Variants in AFMID observed in about 807,000 individuals in gnomAD.
AFMID encodes the protein kynurenine formamidase.
A neutral mutation model predicts 47.5 loss-of-function variants in AFMID; 39 were observed. The observed-to-expected ratio is 0.82, with a 90% CI of 0.64 to 1.07. The LOEUF (loss-of-function observed/expected upper bound fraction) is 1.07. Among genes scored for constraint, AFMID ranks in the 50% least tolerant of loss-of-function variants. AFMID has a pLI of 0.00. For synonymous variants in AFMID, 130 were observed against 153.2 expected, an observed-to-expected ratio of 0.85 and a Z score of 1.12; for missense variants, 375 against 387.5, an observed-to-expected ratio of 0.97 and a Z score of 0.27.
intron 2 of AFMID, among the ~76,000 whole-genome samples, chr17:78,196,635 C>T (rs369503943): frequency 3.3e-5 from 5 of 152,096 alleles, no homozygotes; most frequent in South Asian, 2.1e-4. Context: ...GTCGAGACCA[C>T]GCCATTGCAC....
intron 2 of AFMID, among the ~76,000 whole-genome samples, chr17:78,194,698 C>CT (rs554974643): frequency 4.6e-4 from 68 of 146,796 alleles, no homozygotes; most frequent in African/African-American, 8.2e-4. Flanking sequence ...AGTAAAAATA[C>CT]TTTTTTTTTT....
At chr17:78,190,074 G>A (rs561985883) in intron 1 of AFMID, among the ~76,000 whole-genome samples, 26 of 145,372 alleles carry the variant, frequency 1.8e-4, no homozygotes, top group South Asian at 8.8e-4. Flanking sequence ...TCGTGATCCC[G>A]CCTCCGCCTC....
At position 78,207,048 on chromosome 17, in the gene AFMID, G is replaced by T; in HGVS notation, c.*111G>T. ...TCAGTTTCCCCCAGCACCCAGGAGA[G>T]CCTTGCTGTGTCTGTCTGCCCGGCA... On this transcript the variant is annotated 3_prime_UTR_variant, in exon 11 of 11. Transcript: ENST00000409257. 2 of 1,181,160 alleles carry T rather than the reference G, an allele frequency of 1.7e-6. No individual in the cohort carries two copies. The highest frequency in any genetic ancestry group is 2.5e-6 in the Non-Finnish European group (2 of 790,980). The allele number at this position is 1,181,160 out of a possible 1,614,324, so 73.2% of individuals were successfully genotyped here.
intron 1 of AFMID, among the ~76,000 whole-genome samples, chr17:78,187,648 T>C (rs2075831211): frequency 6.6e-6 from 1 of 151,964 alleles, no homozygotes; most frequent in Non-Finnish European, 1.5e-5. Context: ...ATAAAGAAAA[T>C]TGAAGTCCTG....
chr17:78,201,888 G>A (rs538069720), intron 2 of AFMID, among the ~76,000 whole-genome samples: 27 of 151,670 alleles, frequency 1.8e-4, no homozygotes, highest in South Asian at 2.1e-4. Flanking sequence ...CTGCCACCAC[G>A]CCTGGCTAAT....
chr17:78,201,686 G>A (rs55752598), intron 2 of AFMID, among the ~76,000 whole-genome samples: 20,335 of 152,072 alleles, frequency 0.13, 1,461 homozygotes, highest in South Asian at 0.24. Flanking sequence ...GTGCTGAAAA[G>A]GGTCCTCGCA....
intron 2 of AFMID, among the ~76,000 whole-genome samples, chr17:78,193,794 G>A (rs1012387805): frequency 5.3e-5 from 8 of 151,880 alleles, no homozygotes; most frequent in African/African-American, 9.7e-5. Flanking sequence ...TGGCTAACAC[G>A]GTGAAACCCT....
Position 78,198,531 on chromosome 17 carries a change from C to A in AFMID, c.155-3968C>A, listed in dbSNP as rs551863376. On this transcript the variant is annotated intron_variant, in intron 2 of 10. Coordinates refer to ENST00000409257, the MANE Select transcript of AFMID (RefSeq NM_001010982.5). ...GCTGCGGCAGGAGAATCGCTTGAAC[C>A]CAGGAAGCAGAGGTTGCAGATCACT... Among the ~76,000 whole-genome samples, 13 of 151,968 alleles carry A rather than the reference C, an allele frequency of 8.6e-5. 1 individual carries two copies. The highest frequency in any genetic ancestry group is 1.8e-4 in the Non-Finnish European group (12 of 67,966).
rs562602838 is a variant in AFMID, at chr17:78,192,135, A to G, written c.154+1075A>G. 1.2e-4 allele frequency among the ~76,000 whole-genome samples: 18 copies of G among 150,808 alleles called. No homozygotes were observed. The East Asian group carries it at 3.5e-3, about 29-fold the overall frequency. On this transcript the variant is annotated intron_variant, in intron 2 of 10. Transcript: ENST00000409257. ...TGCCTCAGCTTCCTGAGTAGCTGGG[A>G]TTACAGGCATGCGCCACCACGCCCT... is the stretch of plus-strand genomic sequence containing the variant.
intron 1 of AFMID, among the ~76,000 whole-genome samples, chr17:78,189,863 A>C (rs2075915793): frequency 2.8e-5 from 3 of 106,428 alleles, no homozygotes; most frequent in Admixed American, 1.2e-4. Context: ...ATGGGGTCTC[A>C]CTCTGTCGCC....
At chr17:78,204,030 A>G (rs1044345838) in intron 4 of AFMID, 1 of 152,588 alleles carries the variant, frequency 6.6e-6, no homozygotes, top group Non-Finnish European at 1.5e-5. Flanking sequence ...TCTCAAAAAA[A>G]AAAAAAAAAA....
At position 78,205,984 on chromosome 17, in the gene AFMID, G is replaced by A; in HGVS notation, c.819G>A (p.Glu273=). The A allele has an allele frequency of 6.2e-7, 1 of 1,614,022 alleles. No homozygotes were observed. Among genetic ancestry groups the A allele is most frequent in the Non-Finnish European group, 8.5e-7 (1 of 1,180,014 alleles). ...GAGAGTGGAAAGCCTCATTTGAAGAGCTCCACGATGTGGACCACTTTGAAA... is the reference window on the plus strand; with the variant it reads ...GAGAGTGGAAAGCCTCATTTGAAGAACTCCACGATGTGGACCACTTTGAAA... ...CQGEWKASFE[E]LHDVDHFEIV... Residue 273 remains glutamate, a synonymous_variant, in exon 10 of 11, where the codon GAG becomes GAA. Coordinates refer to ENST00000409257, the MANE Select transcript of AFMID (RefSeq NM_001010982.5).
chr17:78,192,598 G>A, intron 2 of AFMID: 1 of 470,594 alleles, frequency 2.1e-6, no homozygotes. Flanking sequence ...ACAGGTATGA[G>A]CCACCGTGCC....
intron 1 of AFMID, 100 bp downstream of exon 1, chr17:78,187,533 T>C (rs2145835653): frequency 1.4e-6 from 2 of 1,388,302 alleles, no homozygotes; most frequent in Non-Finnish European, 1.0e-6. Flanking sequence ...TCTAGAGCAC[T>C]CCTGTGGGCA....
intron 2 of AFMID, among the ~76,000 whole-genome samples, chr17:78,198,811 A>AAAAACAAAAC (rs377427188): frequency 1.3e-5 from 2 of 151,958 alleles, no homozygotes; most frequent in African/African-American, 4.8e-5. Context: ...TCTGTCTCAA[A>AAAAACAAAAC]AAAACAAAAC....
intron 4 of AFMID, 58 bp downstream of exon 4, chr17:78,202,809 C>T: frequency 2.6e-6 from 4 of 1,536,730 alleles, no homozygotes; most frequent in Non-Finnish European, 3.5e-6. Context: ...CCCTGGGGGA[C>T]TCCTCCTCCA....
chr17:78,190,641 C>G (rs2075940613), intron 1 of AFMID: 2 of 224,248 alleles, frequency 8.9e-6, no homozygotes, highest in Non-Finnish European at 1.8e-5. Flanking sequence ...ATCCACCTGC[C>G]TCAGGCTCCC....
chr17:78,191,148 T>C, intron 2 of AFMID, 88 bp downstream of exon 2: 1 of 1,165,280 alleles, frequency 8.6e-7, no homozygotes, highest in Non-Finnish European at 1.3e-6. Flanking sequence ...GGGGCTGTGC[T>C]GCACCACCTG....
chr17:78,194,189 C>A (rs1221768873), intron 2 of AFMID, among the ~76,000 whole-genome samples: 1 of 151,254 alleles, frequency 6.6e-6, no homozygotes, highest in African/African-American at 2.4e-5. Context: ...TGGCTCATTG[C>A]AACCTCTGCC....
Sources: gnomAD v4.1 joint callset for allele counts (sites outside exome capture counted in the v4.1 genomes callset) on GRCh38, gnomAD v4.1.1 for gene constraint, MANE v1.5 for transcripts, NCBI Gene and HGNC (gene_info 2026-07-23, HGNC 2026-07-21) for gene names.